The following SLC25A48 variants were observed in gnomAD, a reference collection of about 807,000 sequenced individuals.
SLC25A48 encodes the protein solute carrier family 25 member 48.
SLC25A48 carries 29 observed loss-of-function variants against 32.2 expected under a neutral mutation model. That is an observed-to-expected ratio of 0.90 (90% confidence interval 0.67 to 1.23). The LOEUF (loss-of-function observed/expected upper bound fraction) is 1.23, where lower values mean the gene tolerates loss of function less well. Ranked by LOEUF, SLC25A48 falls within the 50% of genes most tolerant of loss-of-function variation. The pLI is 0.00. For synonymous variants in SLC25A48, 164 were observed against 172.3 expected (o/e 0.95, Z 0.38); for missense variants, 399 against 422.7 (o/e 0.94, Z 0.49).
chr5:135,716,898 T>C (rs1055240616), intron 3 of SLC25A48, among the ~76,000 whole-genome samples: 46 of 152,210 alleles, frequency 3.0e-4, no homozygotes, highest in African/African-American at 1.1e-3. Flanking sequence ...GGAGCCTATT[T>C]AGAAATGTTT....
intron 6 of SLC25A48, among the ~76,000 whole-genome samples, chr5:135,879,134 C>A (rs962834815): frequency 1.3e-5 from 2 of 152,090 alleles, no homozygotes; most frequent in African/African-American, 4.8e-5. Flanking sequence ...GTAGCAAAGG[C>A]GGAGTTCATC....
intron 3 of SLC25A48, among the ~76,000 whole-genome samples, chr5:135,738,362 G>A (rs560634118): frequency 1.3e-5 from 2 of 152,258 alleles, no homozygotes; most frequent in South Asian, 4.1e-4. Flanking sequence ...GCTTAGGTTA[G>A]GCCAGAGAAG....
intron 3 of SLC25A48, among the ~76,000 whole-genome samples, chr5:135,671,421 G>A (rs1193038189): frequency 6.6e-6 from 1 of 152,166 alleles, no homozygotes; most frequent in African/African-American, 2.4e-5. Context: ...TTCTTGCTCT[G>A]GTTTGGGGTA....
chr5:135,758,434 A>C (rs1755976854), intron 3 of SLC25A48, among the ~76,000 whole-genome samples: 1 of 150,794 alleles, frequency 6.6e-6, no homozygotes, highest in Admixed American at 6.6e-5. Flanking sequence ...TCTAGTTTTA[A>C]TATACTGAGA....
chr5:135,592,453 T>C (rs1354822978), intron 1 of SLC25A48, among the ~76,000 whole-genome samples: 1 of 152,206 alleles, frequency 6.6e-6, no homozygotes, highest in Admixed American at 6.5e-5. Context: ...GTACCAGGAC[T>C]GTATCTGTAG....
intron 6 of SLC25A48, among the ~76,000 whole-genome samples, chr5:135,876,825 G>A (rs924954078): frequency 8.5e-5 from 13 of 152,124 alleles, no homozygotes; most frequent in African/African-American, 2.7e-4. Context: ...TCTGGCAGCC[G>A]CAGCAGGAGA....
At chr5:135,766,669 C>A (rs1756240425) in intron 3 of SLC25A48, among the ~76,000 whole-genome samples, 1 of 144,186 alleles carries the variant, frequency 6.9e-6, no homozygotes, top group African/African-American at 2.6e-5. Context: ...ATTACTCCCC[C>A]ATATCACGAG....
rs550201956 is a variant in SLC25A48, at chr5:135,612,026, G to C, written c.-848-17211G>C. Among the ~76,000 whole-genome samples the C allele has an allele frequency of 1.7e-4, 26 of 152,248 alleles. 1 individual carries two copies. Among genetic ancestry groups the C allele is most frequent in the African/African-American group, 6.3e-4 (26 of 41,550 alleles). The stretch of plus-strand genomic sequence containing the variant: ...ATTAAGGTGCCCAGGCAACATGAAC[G>C]GTTTATATGCTGTGGCTTTCCTATG... On this transcript the variant is annotated intron_variant, in intron 1 of 10. Transcript: ENST00000646290.
intron 3 of SLC25A48, 70 bp from the exon 4 acceptor site, chr5:135,852,493 C>G (rs1759954640): frequency 1.2e-5 from 18 of 1,530,686 alleles, no homozygotes; most frequent in Non-Finnish European, 1.5e-5. Context: ...GTGGTGTACC[C>G]CGTCAGCCTG....
In SLC25A48 at chr5:135,654,596, C is replaced by T. The variant is rs565536393; in HGVS notation, c.-521+19640C>T. ...ATAAAGTGGGCAGGGCAAGGACAAA[C>T]GAGTCTGTGGTGATGGTTGATTTTA... On this transcript the variant is annotated intron_variant, in intron 3 of 10. Coordinates refer to the SLC25A48 transcript ENST00000646290. Among the ~76,000 whole-genome samples the T allele has an allele frequency of 1.5e-4, 23 of 152,306 alleles. No homozygotes were observed. In the South Asian group the frequency reaches 3.9e-3, roughly 26 times the overall value.
intron 3 of SLC25A48, among the ~76,000 whole-genome samples, chr5:135,730,963 C>CT (rs1040546495): frequency 6.6e-6 from 1 of 152,204 alleles, no homozygotes; most frequent in Non-Finnish European, 1.5e-5. Context: ...CCAACCAGGG[C>CT]TCTTTCCAGT....
chr5:135,798,389 G>A (rs750521829), intron 3 of SLC25A48, among the ~76,000 whole-genome samples: 3 of 151,640 alleles, frequency 2.0e-5, no homozygotes, highest in Non-Finnish European at 4.4e-5. Flanking sequence ...ATATCATAGA[G>A]ATTGTACAAC....
chr5:135,708,708 G>A (rs779413546), intron 3 of SLC25A48, among the ~76,000 whole-genome samples: 2 of 152,212 alleles, frequency 1.3e-5, no homozygotes, highest in African/African-American at 2.4e-5. Flanking sequence ...AGTGGTTGCT[G>A]TGAGCCAGTC....
chr5:135,866,375 C>A (rs1247800346), intron 4 of SLC25A48, among the ~76,000 whole-genome samples: 1 of 152,136 alleles, frequency 6.6e-6, no homozygotes, highest in Non-Finnish European at 1.5e-5. Context: ...ATAGCATTGA[C>A]TGAGAAAGGA....
At chr5:135,756,058 T>C (rs1428792370) in intron 3 of SLC25A48, among the ~76,000 whole-genome samples, 1 of 152,060 alleles carries the variant, frequency 6.6e-6, no homozygotes, top group Non-Finnish European at 1.5e-5. Flanking sequence ...CATTATGGTA[T>C]TAATGAAATG....
At chr5:135,732,901 G>A (rs1382629036) in intron 3 of SLC25A48, among the ~76,000 whole-genome samples, 3 of 152,168 alleles carry the variant, frequency 2.0e-5, no homozygotes, top group Non-Finnish European at 2.9e-5. Context: ...TGTCTTGAGC[G>A]ATGGGATCTG....
chr5:135,887,642 G>A (rs926050762), intron 7 of SLC25A48, among the ~76,000 whole-genome samples: 6 of 152,138 alleles, frequency 3.9e-5, no homozygotes, highest in Admixed American at 1.3e-4. Context: ...CCTGGGCCCC[G>A]TGACACTTCT....
chr5:135,582,253 C>T (rs1751252034), intron 1 of SLC25A48, among the ~76,000 whole-genome samples: 4 of 152,122 alleles, frequency 2.6e-5, no homozygotes, highest in South Asian at 2.1e-4. Context: ...GTGTCCCAGG[C>T]GTTGTACGAG....
chr5:135,853,591 C>A (rs1033508392), intron 4 of SLC25A48, among the ~76,000 whole-genome samples: 3 of 152,190 alleles, frequency 2.0e-5, no homozygotes, highest in African/African-American at 7.2e-5. Context: ...TGAGATTGCA[C>A]CATTCAGCCC....
Sources: gnomAD v4.1 joint callset for allele counts (sites outside exome capture counted in the v4.1 genomes callset) on GRCh38, gnomAD v4.1.1 for gene constraint, MANE v1.5 for transcripts, NCBI Gene and HGNC (gene_info 2026-07-23, HGNC 2026-07-21) for gene names.